The following OR6N1 variants were observed in gnomAD, a reference collection of about 807,000 sequenced individuals.
OR6N1 encodes olfactory receptor family 6 subfamily N member 1.
For synonymous variants in OR6N1, 170 were observed against 150.7 expected, an observed-to-expected ratio of 1.13 and a Z score of -0.94; for missense variants, 394 against 371.7, an observed-to-expected ratio of 1.06 and a Z score of -0.49.
chr1:158,777,130 C>T (rs768656708), upstream of OR6N1: 13 of 1,613,950 alleles, frequency 8.1e-6, no homozygotes, highest in African/African-American at 1.3e-5. Context: ...ATTGTAAGCA[C>T]AAAATGGGAG....
the OR6N1 span, among the ~76,000 whole-genome samples, chr1:158,814,491 C>A: frequency 6.6e-6 from 1 of 152,120 alleles, no homozygotes; most frequent in Non-Finnish European, 1.5e-5. Flanking sequence ...GGCTTATAAA[C>A]AACAAAAATT....
chr1:158,799,083 A>C, the OR6N1 span, among the ~76,000 whole-genome samples: 4 of 152,216 alleles, frequency 2.6e-5, no homozygotes, highest in Admixed American at 2.6e-4. Flanking sequence ...CCACTTTCAA[A>C]GTATCTAATT....
At chr1:158,838,169 T>G in the OR6N1 span, among the ~76,000 whole-genome samples, 1 of 152,018 alleles carries the variant, frequency 6.6e-6, no homozygotes, top group Admixed American at 6.6e-5. Flanking sequence ...TATACTTACC[T>G]TTCATCAAGA....
chr1:158,805,818 A>G, the OR6N1 span, among the ~76,000 whole-genome samples: 2 of 152,150 alleles, frequency 1.3e-5, no homozygotes, highest in Non-Finnish European at 2.9e-5. Context: ...TCATTCATTC[A>G]TTTGTTCAAA....
the OR6N1 span, among the ~76,000 whole-genome samples, chr1:158,836,675 C>T: frequency 6.6e-6 from 1 of 151,384 alleles, no homozygotes; most frequent in African/African-American, 2.4e-5. Context: ...AAAACCAACT[C>T]TTTTTTTTAT....
In OR6N1 at chr1:158,765,671, C is replaced by T. The variant is rs747169956; in HGVS notation, c.*73G>A. ...GAAAAGCACTGAATTTTTAGTTTCT[C>T]GTCTCTGGCCACTGTTGATCCCTGG... On this transcript the variant is annotated 3_prime_UTR_variant, in exon 2 of 2. Transcript: ENST00000641846. 64 of 1,245,136 alleles carry T rather than the reference C, an allele frequency of 5.1e-5. No individual in the cohort carries two copies. Among genetic ancestry groups the T allele is most frequent in the South Asian group, 7.1e-5 (5 of 70,816 alleles). 77.1% of individuals were successfully genotyped at this position (1,245,136 alleles called of 1,614,324 possible). A position where few individuals can be genotyped will look rare whatever the true frequency, so the allele number is the denominator to read the frequency against.
chr1:158,837,496 T>A, the OR6N1 span, among the ~76,000 whole-genome samples: 1 of 151,780 alleles, frequency 6.6e-6, no homozygotes, highest in Non-Finnish European at 1.5e-5. Flanking sequence ...GTTATTTTTA[T>A]TTTATCTGAT....
At chr1:158,834,955 A>G in the OR6N1 span, among the ~76,000 whole-genome samples, 1 of 152,184 alleles carries the variant, frequency 6.6e-6, no homozygotes, top group Admixed American at 6.5e-5. Context: ...TATGCTATCT[A>G]TCATATTCCA....
At chr1:158,811,281 T>C in the OR6N1 span, among the ~76,000 whole-genome samples, 22 of 152,234 alleles carry the variant, frequency 1.4e-4, no homozygotes, top group African/African-American at 4.8e-4. Flanking sequence ...ACTATCTCCG[T>C]CTCCACAACA....
At chr1:158,775,749 T>C (rs1014577080), upstream of OR6N1, 12 of 136,006 alleles carry the variant, frequency 8.8e-5, no homozygotes, top group African/African-American at 3.3e-4. Flanking sequence ...TGTGAAAAGA[T>C]TGTTGGCATA....
intron 1 of OR6N1, among the ~76,000 whole-genome samples, chr1:158,768,461 T>C (rs781076829): frequency 6.6e-5 from 10 of 152,116 alleles, no homozygotes; most frequent in Non-Finnish European, 1.3e-4. Flanking sequence ...CTCTCATATA[T>C]CCAGGAACTG....
intron 1 of OR6N1, among the ~76,000 whole-genome samples, chr1:158,769,960 A>G (rs1389618574): frequency 1.3e-5 from 2 of 152,162 alleles, no homozygotes; most frequent in African/African-American, 2.4e-5. Context: ...ATAAAGGATT[A>G]TCCCTAAATT....
At chr1:158,836,148 A>T in the OR6N1 span, among the ~76,000 whole-genome samples, 1 of 152,054 alleles carries the variant, frequency 6.6e-6, no homozygotes, top group East Asian at 1.9e-4. Context: ...TTGTAAAAAA[A>T]AAATGCATCG....
At chr1:158,802,788 A>G in the OR6N1 span, among the ~76,000 whole-genome samples, 1 of 152,184 alleles carries the variant, frequency 6.6e-6, no homozygotes, top group Non-Finnish European at 1.5e-5. Flanking sequence ...TATTACCATT[A>G]CTTACATTAT....
At chr1:158,804,312 TGGCACACTTGGTTCATCTG>T in the OR6N1 span, among the ~76,000 whole-genome samples, 1 of 152,218 alleles carries the variant, frequency 6.6e-6, no homozygotes, top group African/African-American at 2.4e-5. Flanking sequence ...GTCACAAATC[TGGCACACTTGGTTCATCTG>T]GGCACACTTG....
At chr1:158,784,961 T>G in the OR6N1 span, among the ~76,000 whole-genome samples, 1 of 152,296 alleles carries the variant, frequency 6.6e-6, no homozygotes, top group South Asian at 2.1e-4. Context: ...GTAATCACAA[T>G]AGCCATGATA....
At chr1:158,783,989 C>A in the OR6N1 span, among the ~76,000 whole-genome samples, 1 of 152,042 alleles carries the variant, frequency 6.6e-6, no homozygotes, top group Non-Finnish European at 1.5e-5. Flanking sequence ...ACCTGTAGTC[C>A]CACCTACTCG....
the OR6N1 span, among the ~76,000 whole-genome samples, chr1:158,839,908 G>A: frequency 1.3e-5 from 2 of 152,272 alleles, no homozygotes; most frequent in East Asian, 3.9e-4. Flanking sequence ...GTCACTCTCA[G>A]TGAGAAGAGA....
the OR6N1 span, among the ~76,000 whole-genome samples, chr1:158,835,878 A>ATTTTTT: frequency 6.6e-6 from 1 of 151,846 alleles, no homozygotes; most frequent in South Asian, 2.1e-4. Context: ...TTTTGCATCA[A>ATTTTTT]TTGAGATGAT....
Sources: gnomAD v4.1 joint callset for allele counts (sites outside exome capture counted in the v4.1 genomes callset) on GRCh38, gnomAD v4.1.1 for gene constraint, MANE v1.5 for transcripts, NCBI Gene and HGNC (gene_info 2026-07-23, HGNC 2026-07-21) for gene names.